The following SPATA7 variants were observed in gnomAD, a reference collection of about 807,000 sequenced individuals.
SPATA7 encodes spermatogenesis associated 7.
SPATA7 carries 43 observed loss-of-function variants against 51.8 expected under a neutral mutation model. The observed-to-expected ratio is 0.83, with a 90% CI of 0.65 to 1.07. SPATA7 has a LOEUF of 1.07. Ranked by LOEUF, SPATA7 falls within the 50% of genes least tolerant of loss-of-function variation. The pLI, the probability that SPATA7 is intolerant of heterozygous loss-of-function variation, is 0.00. For synonymous variants in SPATA7, 230 were observed against 252.8 expected (o/e 0.91, Z 0.86); for missense variants, 683 against 701.3 (o/e 0.97, Z 0.30).
chr14:88,419,366 A>G (rs906447347), intron 5 of SPATA7, among the ~76,000 whole-genome samples: 2 of 150,688 alleles, frequency 1.3e-5, no homozygotes, highest in African/African-American at 4.9e-5. Context: ...TCTGATAGTG[A>G]TATAATTAAA....
Position 88,437,940 on chromosome 14 carries a change from G to T in SPATA7, c.1318G>T (p.Asp440Tyr). Residue 440 changes from aspartate (D) to tyrosine (Y), a missense_variant, in exon 12 of 12, where the codon GAT (aspartate) becomes TAT (tyrosine). By Grantham distance (160) the Asp-to-Tyr change is radical. Transcript: ENST00000393545. ...TGATGTTGATATGTTGAATGTATTT[G>T]ATTTTGAAAAGGCTGGGAATTCAGA... ...QNDVDMLNVF[D>Y]FEKAGNSEPN... The T allele has an allele frequency of 6.2e-7, 1 of 1,613,850 alleles. No individual in the cohort carries two copies. The highest frequency in any genetic ancestry group is 8.5e-7 in the Non-Finnish European group (1 of 1,179,936).
At chr14:88,449,776 T>C (rs1388967607) in intron 3 of SPATA7, among the ~76,000 whole-genome samples, 2 of 152,138 alleles carry the variant, frequency 1.3e-5, no homozygotes, top group African/African-American at 2.4e-5. Context: ...GGTGCATAGA[T>C]ACATTTAGGA....
At chr14:88,407,861 G>T (rs2076239062) in intron 4 of SPATA7, among the ~76,000 whole-genome samples, 1 of 152,120 alleles carries the variant, frequency 6.6e-6, no homozygotes, top group South Asian at 2.1e-4. Flanking sequence ...TTGTTAAATA[G>T]GGACTCCTTT....
intron 5 of SPATA7, among the ~76,000 whole-genome samples, chr14:88,420,867 G>C (rs565135152): frequency 4.6e-5 from 7 of 152,278 alleles, no homozygotes; most frequent in Admixed American, 3.9e-4. Flanking sequence ...TGTAATCCCA[G>C]CACTTTGGGA....
At chr14:88,435,793 G>A (rs2077070601) in intron 10 of SPATA7, among the ~76,000 whole-genome samples, 1 of 152,134 alleles carries the variant, frequency 6.6e-6, no homozygotes, top group South Asian at 2.1e-4. Context: ...GTACTCCATG[G>A]TGTATATGTA....
At chr14:88,443,373 A>G (rs1440903939), downstream of SPATA7, among the ~76,000 whole-genome samples, 1 of 152,058 alleles carries the variant, frequency 6.6e-6, no homozygotes, top group Non-Finnish European at 1.5e-5. Flanking sequence ...CATCTCCTCT[A>G]GGTTTTCTAG....
intron 3 of SPATA7, among the ~76,000 whole-genome samples, chr14:88,453,122 C>A (rs998144632): frequency 2.6e-5 from 4 of 152,186 alleles, no homozygotes; most frequent in African/African-American, 9.7e-5. Flanking sequence ...CAATTTGTCT[C>A]TAGACTGTAA....
rs374318331 is a variant in SPATA7 at position 88,432,240 on chromosome 14, A to G, written c.1083-895A>G. 2.0e-5 allele frequency among the ~76,000 whole-genome samples: 3 copies of G among 152,184 alleles called. No individual in the cohort carries two copies. The East Asian group carries it at 5.8e-4, about 29-fold the overall frequency. On this transcript the variant is annotated intron_variant, in intron 9 of 11. Coordinates refer to ENST00000393545, the MANE Select transcript of SPATA7 (RefSeq NM_018418.5). ...AATTAAGTTACTCTTTTTAGGGAAA[A>G]TAATTTATAAAATTTTATTTATTTT...
chr14:88,407,428 TG>T (rs1417063342), intron 4 of SPATA7, among the ~76,000 whole-genome samples: 1 of 152,260 alleles, frequency 6.6e-6, no homozygotes, highest in Non-Finnish European at 1.5e-5. Context: ...GAAAAGTGTC[TG>T]TTCATATCCT....
At chr14:88,424,010 A>G (rs928633947) in intron 5 of SPATA7, among the ~76,000 whole-genome samples, 3 of 152,224 alleles carry the variant, frequency 2.0e-5, no homozygotes, top group African/African-American at 7.2e-5. Flanking sequence ...TGTTATGGTT[A>G]TTACTTTACA....
At chr14:88,466,396 G>A (rs776604459) in intron 4 of SPATA7, 1 of 152,060 alleles carries the variant, frequency 6.6e-6, no homozygotes, top group Non-Finnish European at 1.5e-5. Flanking sequence ...GCAGAGTTAG[G>A]CTGGTGCACA....
chr14:88,436,614 A>G (rs570278863), intron 10 of SPATA7, among the ~76,000 whole-genome samples: 2 of 152,290 alleles, frequency 1.3e-5, no homozygotes, highest in Admixed American at 1.3e-4. Context: ...GGTGAGAGAT[A>G]GGGGTCTAGT....
At position 88,465,345 on chromosome 14, in the gene SPATA7, T is replaced by C. The variant is rs142418611; in HGVS notation, c.255-4502T>C. On this transcript the variant is annotated intron_variant, in intron 4 of 4. Transcript: ENST00000556406. Reference sequence around the variant, plus strand: ...AGCCGGGCATAGTGGTGCATGCCTGTAATCCCAGCTACTCAGGAGGCTGAG... The same window carrying C: ...AGCCGGGCATAGTGGTGCATGCCTGCAATCCCAGCTACTCAGGAGGCTGAG... Among the ~76,000 whole-genome samples, 702 of 152,174 alleles carry C rather than the reference T, an allele frequency of 4.6e-3. 4 individuals carry two copies. Among genetic ancestry groups the C allele is most frequent in the African/African-American group, 0.016 (678 of 41,518 alleles).
chr14:88,427,895 A>G (rs904131022), intron 7 of SPATA7, 199 bp downstream of exon 7: 1 of 497,432 alleles, frequency 2.0e-6, no homozygotes, highest in Non-Finnish European at 3.7e-6. Flanking sequence ...GGATCCTGCC[A>G]AATCTGGGAA....
chr14:88,435,118 C>T (rs949492147), intron 10 of SPATA7, among the ~76,000 whole-genome samples: 4 of 152,072 alleles, frequency 2.6e-5, no homozygotes, highest in South Asian at 2.1e-4. Flanking sequence ...GTGGCTTTCT[C>T]GTCTTTAAAA....
At chr14:88,429,327 T>C (rs549641226) in intron 7 of SPATA7, 21 bp from the exon 8 acceptor site, 3 of 1,452,266 alleles carry the variant, frequency 2.1e-6, no homozygotes, top group East Asian at 2.3e-5. Flanking sequence ...AAAATAAATA[T>C]TTTTTTTATT....
At chr14:88,425,034 T>C (rs1245581158) in intron 5 of SPATA7, among the ~76,000 whole-genome samples, 1 of 152,164 alleles carries the variant, frequency 6.6e-6, no homozygotes, top group Non-Finnish European at 1.5e-5. Context: ...AGTTTTTAAG[T>C]AGACAATATG....
chr14:88,427,118 C>A (rs896541599), intron 6 of SPATA7, among the ~76,000 whole-genome samples: 3 of 152,186 alleles, frequency 2.0e-5, no homozygotes, highest in African/African-American at 7.2e-5. Flanking sequence ...CCCTCTGCTC[C>A]ATTTCCTGCA....
At chr14:88,438,621 G>C (rs532304508), downstream of SPATA7, among the ~76,000 whole-genome samples, 1 of 152,236 alleles carries the variant, frequency 6.6e-6, no homozygotes, top group African/African-American at 2.4e-5. Flanking sequence ...AGCTTAGTTG[G>C]GTCCTCTGTC....
Sources: gnomAD v4.1 joint callset for allele counts (sites outside exome capture counted in the v4.1 genomes callset) on GRCh38, gnomAD v4.1.1 for gene constraint, MANE v1.5 for transcripts, NCBI Gene and HGNC (gene_info 2026-07-23, HGNC 2026-07-21) for gene names.